Variants in MYO5C observed in about 807,000 individuals in gnomAD.
The protein encoded by MYO5C is unconventional myosin-Vc.
Under a neutral mutation model 235.7 loss-of-function variants are expected in MYO5C, and 194 were observed. The observed-to-expected ratio is 0.82, with a 90% confidence interval of 0.73 to 0.93. The LOEUF is 0.93. MYO5C is among the 40% of genes least tolerant of loss of function. The probability of loss-of-function intolerance (pLI) is 0.00; values close to 1 mark genes in which losing one functional copy is unlikely to be tolerated. For synonymous variants in MYO5C, 707 were observed against 754.8 expected (o/e 0.94, Z 1.04); for missense variants, 2,038 against 2,127.2 (o/e 0.96, Z 0.82).
chr15:52,278,981 A>G lies in MYO5C; in HGVS notation c.341T>C (p.Leu114Ser). 3 of 1,613,896 alleles carry G rather than the reference A, an allele frequency of 1.9e-6. No individual in the cohort carries two copies. The highest frequency in any genetic ancestry group is 2.5e-6 in the Non-Finnish European group (3 of 1,179,950). The change falls in exon 4 of 41, where the codon TTG becomes TCG. Residue 114 changes from leucine (L) to serine (S), a missense_variant. Leu to Ser is a moderately radical substitution (Grantham distance 145). Coordinates refer to ENST00000261839, the MANE Select transcript of MYO5C (RefSeq NM_018728.4). ...ILVAMNPYKQ[L>S]PIYGDAIIHA... Reference sequence around the variant, plus strand: ...GATGATGGCATCTCCGTATATTGGCAACTGCTTGTAAGGATTCATGGCCAC... The same window carrying G: ...GATGATGGCATCTCCGTATATTGGCGACTGCTTGTAAGGATTCATGGCCAC...
chr15:52,213,152 GAGAA>G, intron 34 of MYO5C, 32 bp downstream of exon 34: 1 of 1,562,030 alleles, frequency 6.4e-7, no homozygotes, highest in Non-Finnish European at 8.8e-7. Context: ...AGTTCTCAAA[GAGAA>G]AGCAAAAATC....
intron 35 of MYO5C, among the ~76,000 whole-genome samples, chr15:52,210,965 G>T (rs1409719224): frequency 2.0e-5 from 3 of 152,184 alleles, no homozygotes; most frequent in African/African-American, 7.2e-5. Context: ...AGTTCAGTTG[G>T]TGACTTCTGA....
At position 52,193,933 on chromosome 15, in the gene MYO5C, C is replaced by T; in HGVS notation, c.5198G>A (p.Ser1733Asn). The T allele has an allele frequency of 1.9e-6, 3 of 1,613,160 alleles. No homozygotes were observed. The highest frequency in any genetic ancestry group is 2.5e-6 in the Non-Finnish European group (3 of 1,179,740). Residue 1733 changes from serine to asparagine, a missense_variant, in exon 41 of 41, where the codon AGT (serine) becomes AAT (asparagine). Transcript: ENST00000261839. ...HALEMIQIPS[S>N]FKLGFLNRL is the part of the protein sequence containing the mutation. Reference sequence around the variant, plus strand: ...CCTATTCAGAAAGCCTAGCTTGAAACTGCTGGGGATCTGAATCATTTCCAG... The same window carrying T: ...CCTATTCAGAAAGCCTAGCTTGAAATTGCTGGGGATCTGAATCATTTCCAG...
At chr15:52,286,499 G>A (rs1228697193) in intron 1 of MYO5C, among the ~76,000 whole-genome samples, 8 of 151,956 alleles carry the variant, frequency 5.3e-5, no homozygotes, top group African/African-American at 1.7e-4. Context: ...GGAATAGAAA[G>A]GGGGGAAAGG....
intron 38 of MYO5C, among the ~76,000 whole-genome samples, chr15:52,199,682 T>C (rs2035140914): frequency 6.6e-6 from 1 of 152,118 alleles, no homozygotes; most frequent in African/African-American, 2.4e-5. Flanking sequence ...CCCTCTCCTT[T>C]TTCTCTATTC....
chr15:52,244,472 C>A lies in MYO5C; in HGVS notation c.2274G>T (p.Gln758His). 6.2e-7 allele frequency: 1 copy of A among 1,614,210 alleles called. No individual in the cohort carries two copies. The highest frequency in any genetic ancestry group is 8.5e-7 in the Non-Finnish European group (1 of 1,180,036). The change falls in exon 19 of 41, where the codon CAG (glutamine) becomes CAT (histidine). Residue 758 changes from glutamine to histidine, a missense_variant. Coordinates refer to ENST00000261839, the MANE Select transcript of MYO5C (RefSeq NM_018728.4). ...LEKLRLDKLR[Q>H]SCVMVQKHMR... The stretch of plus-strand genomic sequence containing the variant: ...TGTGCTTTTGTACCATAACACAACT[C>A]TGCCTCAGTTTATCCAATCGAAGTT...
At chr15:52,246,128 G>A (rs2036338794) in intron 16 of MYO5C, 86 bp from the exon 17 acceptor site, 1 of 1,010,792 alleles carries the variant, frequency 9.9e-7, no homozygotes, top group Non-Finnish European at 1.5e-6. Flanking sequence ...TGGCTAGACT[G>A]TGACCCTATG....
At position 52,225,437 on chromosome 15, in the gene MYO5C, A is replaced by G; in HGVS notation, c.3301+2T>C. 3 of 1,603,088 alleles carry G rather than the reference A, an allele frequency of 1.9e-6. No individual in the cohort carries two copies. Among genetic ancestry groups the G allele is most frequent in the Non-Finnish European group, 2.6e-6 (3 of 1,170,158 alleles). On this transcript the variant is annotated splice_donor_variant, in intron 26 of 40. Transcript: ENST00000261839. LOFTEE classifies it high-confidence loss of function. ...GGACTAAGAGACTCATATTTTTATT[A>G]CCTCTCATTTCCCGTTTTTGTGACT...
At chr15:52,245,227 C>T in intron 18 of MYO5C, 127 bp downstream of exon 18, 1 of 741,666 alleles carries the variant, frequency 1.3e-6, no homozygotes, top group Non-Finnish European at 2.4e-6. Context: ...ATGCTCAGGG[C>T]ACATTTTCTT....
chr15:52,197,951 A>G (rs1405556893), intron 38 of MYO5C, among the ~76,000 whole-genome samples: 1 of 152,106 alleles, frequency 6.6e-6, no homozygotes, highest in Non-Finnish European at 1.5e-5. Context: ...TATATACTTT[A>G]AACAGGTAAA....
intron 39 of MYO5C, among the ~76,000 whole-genome samples, chr15:52,195,962 CTTT>C (rs71130140): frequency 3.7e-5 from 3 of 80,994 alleles, no homozygotes; most frequent in Admixed American, 1.7e-4. Flanking sequence ...TCACACCCAG[CTTT>C]TTTTTTTTTT....
At chr15:52,284,315 C>G (rs907404780) in intron 1 of MYO5C, among the ~76,000 whole-genome samples, 1 of 152,100 alleles carries the variant, frequency 6.6e-6, no homozygotes, top group Non-Finnish European at 1.5e-5. Flanking sequence ...CACCAAAGCA[C>G]GCTGAGTTAA....
At chr15:52,226,517 G>C (rs1161419474) in intron 25 of MYO5C, among the ~76,000 whole-genome samples, 1 of 152,214 alleles carries the variant, frequency 6.6e-6, no homozygotes, top group African/African-American at 2.4e-5. Context: ...GTATTTAAGG[G>C]CTCCAGCCCC....
intron 25 of MYO5C, among the ~76,000 whole-genome samples, chr15:52,228,424 G>C (rs918618352): frequency 6.6e-6 from 1 of 152,288 alleles, no homozygotes; most frequent in East Asian, 1.9e-4. Flanking sequence ...TTACAGGCCT[G>C]AGCCACCGTG....
At chr15:52,195,962 C>CTTTTTTTTTTTTTTTTTTTTT (rs71130140) in intron 39 of MYO5C, among the ~76,000 whole-genome samples, 1 of 80,994 alleles carries the variant, frequency 1.2e-5, no homozygotes, top group Non-Finnish European at 2.0e-5. Flanking sequence ...TCACACCCAG[C>CTTTTTTTTTTTTTTTTTTTTT]TTTTTTTTTT....
chr15:52,208,603 G>C lies in MYO5C; in HGVS notation c.4337C>G (p.Ser1446Cys), dbSNP rs375240420. ...EDFEMLSFWL[S>C]NTCHFLNCLK... ...GCAATTGAGAAAATGACAAGTGTTG[G>C]AAAGCCAAAAGGACAGCATTTCAAA... Residue 1446 changes from serine to cysteine, a missense_variant, in exon 36 of 41, where the codon TCC becomes TGC. Transcript: ENST00000261839. 6 of 1,614,046 alleles carry C rather than the reference G, an allele frequency of 3.7e-6. No homozygotes were observed. Among genetic ancestry groups the C allele is most frequent in the Non-Finnish European group, 8.5e-7 (1 of 1,180,020 alleles).
At chr15:52,290,247 G>T (rs1486990426) in intron 1 of MYO5C, among the ~76,000 whole-genome samples, 2 of 152,082 alleles carry the variant, frequency 1.3e-5, no homozygotes, top group Non-Finnish European at 2.9e-5. Context: ...CAGTGGTTCA[G>T]TTGCACCAAT....
chr15:52,279,052 T>G, intron 3 of MYO5C, 35 bp from the exon 4 acceptor site: 1 of 1,572,696 alleles, frequency 6.4e-7, no homozygotes, highest in South Asian at 1.2e-5. Context: ...TAAAATACTC[T>G]TACTGCCACC....
rs189913480 is a variant in MYO5C, at chr15:52,197,536, G to A, written c.4821-1053C>T. Among the ~76,000 whole-genome samples, 452 of 152,282 alleles carry A rather than the reference G, an allele frequency of 3.0e-3. 3 individuals are homozygous for A. Among genetic ancestry groups the A allele is most frequent in the Non-Finnish European group, 4.9e-3 (330 of 68,022 alleles). ...TGGCTGCTAATGAGTATAAGGTTTC[G>A]TTCTGGAGGGATGAAAATGTTCTAT... On this transcript the variant is annotated intron_variant, in intron 38 of 40. Transcript: ENST00000261839.
Sources: allele counts gnomAD v4.1 joint callset (sites outside exome capture counted in the v4.1 genomes callset), GRCh38; gene constraint gnomAD v4.1.1; transcripts MANE v1.5; gene names NCBI Gene and HGNC (gene_info 2026-07-23, HGNC 2026-07-21).